The following CFAP299 variants were observed in gnomAD, a reference collection of about 807,000 sequenced individuals.
The protein encoded by CFAP299 is cilia and flagella associated protein 299.
A neutral mutation model predicts 27.0 loss-of-function variants in CFAP299; 21 were observed. The ratio of observed to expected loss-of-function variants is 0.78; its 90% confidence interval spans 0.55 to 1.12. The LOEUF (loss-of-function observed/expected upper bound fraction) is 1.12, where lower values mean the gene tolerates loss of function less well. CFAP299 is among the 50% of genes most tolerant of loss of function. The pLI is 0.00. For synonymous variants in CFAP299, 104 were observed against 98.1 expected, an observed-to-expected ratio of 1.06 and a Z score of -0.36; for missense variants, 310 against 276.6, an observed-to-expected ratio of 1.12 and a Z score of -0.86.
At position 80,416,911 on chromosome 4, in the gene CFAP299, A is replaced by G. The variant is rs537495658; in HGVS notation, c.242+54027A>G. ...AGAAGGGGTTCTTGGATCTCATGCA[A>G]GAAATAATTCAGGGTGAGTCCATAG... On this transcript the variant is annotated intron_variant, in intron 2 of 5. Coordinates refer to ENST00000358105, the MANE Select transcript of CFAP299 (RefSeq NM_152770.3). 2.6e-5 allele frequency among the ~76,000 whole-genome samples: 4 copies of G among 152,312 alleles called. No individual in the cohort carries two copies. The East Asian group carries it at 7.7e-4, about 29-fold the overall frequency.
chr4:80,735,849 T>C (rs1233393428), intron 3 of CFAP299, among the ~76,000 whole-genome samples: 1 of 152,168 alleles, frequency 6.6e-6, no homozygotes, highest in African/African-American at 2.4e-5. Context: ...AGTATTTTGT[T>C]GAGGTTTTTT....
chr4:80,855,567 C>G lies in CFAP299; in HGVS notation c.334-14426C>G, dbSNP rs191839446. Among the ~76,000 whole-genome samples, 367 of 152,220 alleles carry G rather than the reference C, an allele frequency of 2.4e-3. 1 individual carries two copies. The highest frequency in any genetic ancestry group is 8.4e-3 in the African/African-American group (349 of 41,544). ...GCTATCCCTCCCCTCTCCCCCCAACCCACAACAGTCCCCAGAGTGTGATGT... is the reference window on the plus strand; with the variant it reads ...GCTATCCCTCCCCTCTCCCCCCAACGCACAACAGTCCCCAGAGTGTGATGT... On this transcript the variant is annotated intron_variant, in intron 3 of 5. Coordinates refer to ENST00000358105, the MANE Select transcript of CFAP299 (RefSeq NM_152770.3).
intron 3 of CFAP299, among the ~76,000 whole-genome samples, chr4:80,824,916 T>A (rs1026052136): frequency 6.6e-6 from 1 of 151,938 alleles, no homozygotes; most frequent in African/African-American, 2.4e-5. Context: ...AACAAAAAAT[T>A]TCTCCAGAAA....
chr4:80,490,962 C>G (rs552528778), intron 2 of CFAP299, among the ~76,000 whole-genome samples: 6 of 146,120 alleles, frequency 4.1e-5, no homozygotes, highest in Admixed American at 1.4e-4. Context: ...ACTTACCTCT[C>G]CATTTTAGGA....
At chr4:80,334,772 TA>T (rs911365684), upstream of CFAP299, among the ~76,000 whole-genome samples, 2 of 152,266 alleles carry the variant, frequency 1.3e-5, no homozygotes, top group African/African-American at 4.8e-5. Flanking sequence ...CATGACATCC[TA>T]ATTTTTAAGA....
intron 4 of CFAP299, among the ~76,000 whole-genome samples, chr4:80,891,107 T>C (rs1485958029): frequency 2.0e-5 from 3 of 150,790 alleles, no homozygotes; most frequent in African/African-American, 7.3e-5. Context: ...GCCATTGCTT[T>C]TGGTGTTTTG....
intron 3 of CFAP299, among the ~76,000 whole-genome samples, chr4:80,717,775 G>T (rs1431007517): frequency 6.6e-6 from 1 of 152,000 alleles, no homozygotes; most frequent in Non-Finnish European, 1.5e-5. Flanking sequence ...AGTAAAAAAT[G>T]CAGGAAAAAT....
chr4:80,488,996 C>T (rs1009281330), intron 2 of CFAP299, among the ~76,000 whole-genome samples: 1 of 152,140 alleles, frequency 6.6e-6, no homozygotes, highest in South Asian at 2.1e-4. Context: ...ACTGATTCAC[C>T]TTTAGTGTTG....
chr4:80,395,145 G>T (rs571694844), intron 2 of CFAP299, among the ~76,000 whole-genome samples: 2 of 151,640 alleles, frequency 1.3e-5, no homozygotes, highest in African/African-American at 2.4e-5. Flanking sequence ...TATCTCATTG[G>T]TTATTTCTAT....
intron 1 of CFAP299, among the ~76,000 whole-genome samples, chr4:80,343,846 T>G (rs553370425): frequency 9.6e-4 from 128 of 133,094 alleles, no homozygotes; most frequent in Non-Finnish European, 1.5e-3. Flanking sequence ...TGAAATTCAC[T>G]CAACACCACA....
chr4:80,357,496 T>C (rs1216483355), intron 1 of CFAP299, among the ~76,000 whole-genome samples: 3 of 152,218 alleles, frequency 2.0e-5, no homozygotes, highest in Admixed American at 2.0e-4. Flanking sequence ...GGCTATTTAT[T>C]ACTGACTCAA....
chr4:80,863,523 C>G (rs1036848638), intron 3 of CFAP299, among the ~76,000 whole-genome samples: 1 of 152,304 alleles, frequency 6.6e-6, no homozygotes, highest in Non-Finnish European at 1.5e-5. Flanking sequence ...CAGGCTCCCT[C>G]AGTAAAATCT....
chr4:80,370,977 G>A (rs1200994893), intron 2 of CFAP299, among the ~76,000 whole-genome samples: 1 of 152,204 alleles, frequency 6.6e-6, no homozygotes, highest in Non-Finnish European at 1.5e-5. Flanking sequence ...TCTCCATGAG[G>A]GTTCTGCCCC....
At position 80,582,744 on chromosome 4, in the gene CFAP299, G is replaced by A. The variant is rs993874581; in HGVS notation, c.243-349G>A. On this transcript the variant is annotated intron_variant, in intron 2 of 5. Transcript: ENST00000358105. Reference sequence around the variant, plus strand: ...TTTAATTTCCTTAAATTAATAAACTGTACTAAAGTTATAGGCAATTTAAAA... The same window carrying A: ...TTTAATTTCCTTAAATTAATAAACTATACTAAAGTTATAGGCAATTTAAAA... Among the ~76,000 whole-genome samples, 3 of 151,722 alleles carry A rather than the reference G, an allele frequency of 2.0e-5. No individual in the cohort carries two copies. The East Asian group carries it at 5.8e-4, about 29-fold the overall frequency.
At chr4:80,906,724 C>A (rs1184310526) in intron 4 of CFAP299, among the ~76,000 whole-genome samples, 1 of 152,168 alleles carries the variant, frequency 6.6e-6, no homozygotes, top group Non-Finnish European at 1.5e-5. Context: ...ACCTTGACCC[C>A]TTTTAGCCAT....
At position 80,840,048 on chromosome 4, in the gene CFAP299, G is replaced by A. The variant is rs568886751; in HGVS notation, c.334-29945G>A. Among the ~76,000 whole-genome samples the A allele has an allele frequency of 7.2e-4, 109 of 152,234 alleles. 2 individuals carry two copies. The highest frequency in any genetic ancestry group is 1.5e-3 in the Non-Finnish European group (99 of 67,996). ...GAAAACCCATATGCAAAGACATTGTGTTTAGCAGCTTAACCTAGAAAAATC... is the reference window on the plus strand; with the variant it reads ...GAAAACCCATATGCAAAGACATTGTATTTAGCAGCTTAACCTAGAAAAATC... On this transcript the variant is annotated intron_variant, in intron 3 of 5. Transcript: ENST00000358105.
intron 4 of CFAP299, among the ~76,000 whole-genome samples, chr4:80,897,719 C>T (rs1458736476): frequency 6.6e-6 from 1 of 152,220 alleles, no homozygotes; most frequent in African/African-American, 2.4e-5. Context: ...CCACACCTGA[C>T]ATCTCTAGAG....
At chr4:80,739,551 CA>C (rs1724131309) in intron 3 of CFAP299, among the ~76,000 whole-genome samples, 1 of 151,950 alleles carries the variant, frequency 6.6e-6, no homozygotes, top group South Asian at 2.1e-4. Context: ...AGTGTGCTGC[CA>C]GACATATTAA....
intron 2 of CFAP299, among the ~76,000 whole-genome samples, chr4:80,563,797 C>T (rs1735154091): frequency 6.6e-6 from 1 of 151,856 alleles, no homozygotes. Context: ...TGACAAACCT[C>T]TAACCAGGTA....
Sources: allele counts gnomAD v4.1 joint callset (sites outside exome capture counted in the v4.1 genomes callset), GRCh38; gene constraint gnomAD v4.1.1; transcripts MANE v1.5; gene names NCBI Gene and HGNC (gene_info 2026-07-23, HGNC 2026-07-21).